SUPT3H: variants seen among roughly 807,000 people sequenced by gnomAD.
The protein encoded by SUPT3H is transcription initiation protein SPT3 homolog.
SUPT3H carries 44 observed loss-of-function variants against 44.3 expected under a neutral mutation model. That is an observed-to-expected ratio of 0.99 (90% CI 0.78 to 1.28). The LOEUF is 1.28. Among genes scored for constraint, SUPT3H ranks in the 50% most tolerant of loss-of-function variants. The probability of loss-of-function intolerance (pLI) is 0.00; values close to 1 mark genes in which losing one functional copy is unlikely to be tolerated. For synonymous variants in SUPT3H, 124 were observed against 125.6 expected, an observed-to-expected ratio of 0.99 and a Z score of 0.09; for missense variants, 380 against 387.1, an observed-to-expected ratio of 0.98 and a Z score of 0.15.
Position 45,197,087 on chromosome 6 carries a change from T to A in SUPT3H, c.102-91081A>T, listed in dbSNP as rs190038271. Among the ~76,000 whole-genome samples the A allele has an allele frequency of 2.8e-3, 419 of 151,784 alleles. 2 individuals carry two copies. Among genetic ancestry groups the A allele is most frequent in the South Asian group, 0.018 (86 of 4,818 alleles). The stretch of plus-strand genomic sequence containing the variant: ...GAGGAAGAAGTTTCGTTTTAAGACA[T>A]AATTCTTCAATACTCATTTCTCATT... On this transcript the variant is annotated intron_variant, in intron 2 of 10. Coordinates refer to ENST00000371459, the MANE Select transcript of SUPT3H (RefSeq NM_003599.4).
chr6:44,946,619 C>T (rs1351505180), intron 9 of SUPT3H, among the ~76,000 whole-genome samples: 1 of 152,160 alleles, frequency 6.6e-6, no homozygotes, highest in Non-Finnish European at 1.5e-5. Context: ...GAAGATATGA[C>T]TGAACTGCTC....
At chr6:45,255,299 G>C (rs894755619) in intron 2 of SUPT3H, among the ~76,000 whole-genome samples, 3 of 151,768 alleles carry the variant, frequency 2.0e-5, no homozygotes, top group Admixed American at 6.6e-5. Context: ...GCTCCTCTAA[G>C]GGCTATAATT....
intron 10 of SUPT3H, among the ~76,000 whole-genome samples, chr6:44,895,334 T>C (rs1763974719): frequency 6.6e-6 from 1 of 151,450 alleles, no homozygotes; most frequent in Admixed American, 6.6e-5. Context: ...GCTCAAGGGA[T>C]CTTCCTGTTT....
At chr6:44,929,715 T>G (rs1334581130) in intron 10 of SUPT3H, among the ~76,000 whole-genome samples, 1 of 151,534 alleles carries the variant, frequency 6.6e-6, no homozygotes, top group South Asian at 2.1e-4. Context: ...GAGTGGACCT[T>G]AGGGAAGTGA....
intron 3 of SUPT3H, among the ~76,000 whole-genome samples, chr6:45,032,141 T>C (rs917357331): frequency 1.3e-5 from 2 of 152,168 alleles, no homozygotes; most frequent in Admixed American, 1.3e-4. Flanking sequence ...CCTCAGTTTG[T>C]CAGAGAAAGT....
At chr6:45,213,528 G>T (rs1228468901) in intron 2 of SUPT3H, among the ~76,000 whole-genome samples, 2 of 151,992 alleles carry the variant, frequency 1.3e-5, no homozygotes, top group Non-Finnish European at 2.9e-5. Flanking sequence ...ATACTGTGTT[G>T]TAATATGTTG....
intron 10 of SUPT3H, among the ~76,000 whole-genome samples, chr6:44,888,203 C>A (rs1415290967): frequency 6.6e-6 from 1 of 152,194 alleles, no homozygotes; most frequent in African/African-American, 2.4e-5. Flanking sequence ...GGAATTGGTA[C>A]CATTCCTTCT....
chr6:45,189,513 G>C (rs1013990597), intron 2 of SUPT3H, among the ~76,000 whole-genome samples: 6 of 152,212 alleles, frequency 3.9e-5, no homozygotes, highest in African/African-American at 1.4e-4. Context: ...CTATTCATTT[G>C]ACCAAATCTA....
chr6:44,877,175 C>T (rs905190871), intron 10 of SUPT3H, among the ~76,000 whole-genome samples: 1 of 152,076 alleles, frequency 6.6e-6, no homozygotes, highest in African/African-American at 2.4e-5. Flanking sequence ...ACTTAATATC[C>T]CAGTGCATGG....
At chr6:45,249,400 T>C (rs1771960001) in intron 2 of SUPT3H, among the ~76,000 whole-genome samples, 1 of 151,760 alleles carries the variant, frequency 6.6e-6, no homozygotes, top group African/African-American at 2.4e-5. Context: ...GCAAAATTAC[T>C]AGTCTTTTTA....
intron 2 of SUPT3H, among the ~76,000 whole-genome samples, chr6:45,293,083 G>A (rs1780571904): frequency 6.6e-6 from 1 of 151,860 alleles, no homozygotes; most frequent in Non-Finnish European, 1.5e-5. Flanking sequence ...CCACACAATG[G>A]GGCACAAAAT....
chr6:44,935,135 G>A (rs1441757486), intron 9 of SUPT3H, among the ~76,000 whole-genome samples: 5 of 151,656 alleles, frequency 3.3e-5, no homozygotes, highest in South Asian at 2.1e-4. Context: ...TGAGTTCTCC[G>A]GAAGGAAGCC....
chr6:45,007,190 T>C (rs935047609), intron 5 of SUPT3H, among the ~76,000 whole-genome samples: 2 of 151,902 alleles, frequency 1.3e-5, no homozygotes, highest in African/African-American at 2.4e-5. Flanking sequence ...AATAATTCCT[T>C]TTTTGGAGGT....
At chr6:45,295,757 G>T (rs1371122220) in intron 2 of SUPT3H, among the ~76,000 whole-genome samples, 1 of 152,002 alleles carries the variant, frequency 6.6e-6, no homozygotes. Flanking sequence ...ATGAAAAAAT[G>T]CTCAACATCA....
At chr6:45,192,963 T>C (rs1194172224) in intron 2 of SUPT3H, among the ~76,000 whole-genome samples, 1 of 152,180 alleles carries the variant, frequency 6.6e-6, no homozygotes, top group Admixed American at 6.5e-5. Flanking sequence ...AAAAAGGTTT[T>C]GTTATGACCA....
chr6:45,074,240 A>G (rs1208326502), intron 3 of SUPT3H, among the ~76,000 whole-genome samples: 1 of 152,058 alleles, frequency 6.6e-6, no homozygotes, highest in African/African-American at 2.4e-5. Flanking sequence ...ATTAAGCATA[A>G]AAACTATAAC....
At chr6:44,935,161 C>T (rs1267048319) in intron 9 of SUPT3H, among the ~76,000 whole-genome samples, 1 of 151,982 alleles carries the variant, frequency 6.6e-6, no homozygotes, top group Non-Finnish European at 1.5e-5. Context: ...ACGTTATAAT[C>T]CCAGTTTTTT....
chr6:44,985,312 G>C (rs563877073), intron 6 of SUPT3H, among the ~76,000 whole-genome samples: 28 of 152,054 alleles, frequency 1.8e-4, no homozygotes, highest in Admixed American at 7.9e-4. Context: ...TAAGAGGATC[G>C]CTTGAGCTCA....
intron 2 of SUPT3H, among the ~76,000 whole-genome samples, chr6:45,237,893 A>G (rs1769495271): frequency 6.6e-6 from 1 of 152,212 alleles, no homozygotes; most frequent in Non-Finnish European, 1.5e-5. Flanking sequence ...CATTACAGCC[A>G]GGATTGCCTT....
Sources: gnomAD v4.1 joint callset for allele counts (sites outside exome capture counted in the v4.1 genomes callset) on GRCh38, gnomAD v4.1.1 for gene constraint, MANE v1.5 for transcripts, NCBI Gene and HGNC (gene_info 2026-07-23, HGNC 2026-07-21) for gene names.